Variants in RBFOX1 observed in about 807,000 individuals in gnomAD.
RBFOX1 encodes RNA binding fox-1 homolog 1.
A neutral mutation model predicts 57.7 loss-of-function variants in RBFOX1; 8 were observed. That is an observed-to-expected ratio of 0.14 (90% confidence interval 0.08 to 0.25). RBFOX1 has a LOEUF of 0.25. Among genes scored for constraint, RBFOX1 ranks in the 10% least tolerant of loss-of-function variants. RBFOX1 has a pLI of 1.00. For synonymous variants in RBFOX1, 326 were observed against 222.4 expected (o/e 1.47, Z -4.15); for missense variants, 611 against 548.5 (o/e 1.11, Z -1.14).
In RBFOX1 at chr16:7,066,375, G is replaced by C. The variant is rs1346870203; in HGVS notation, c.27+14277G>C. 2.6e-5 allele frequency among the ~76,000 whole-genome samples: 4 copies of C among 152,174 alleles called. No individual in the cohort carries two copies. In the East Asian group the frequency reaches 5.8e-4, roughly 22 times the overall value. ...GCTAAAATGATCAGTCCCATTGTGA[G>C]GCTAAGATACGAGAAGGGTATGGTT... On this transcript the variant is annotated intron_variant, in intron 4 of 15. Transcript: ENST00000550418.
chr16:5,471,113 C>T (rs1196385756), intron 2 of RBFOX1, among the ~76,000 whole-genome samples: 3 of 152,108 alleles, frequency 2.0e-5, no homozygotes, highest in African/African-American at 7.2e-5. Flanking sequence ...GGATTGCAGG[C>T]GTGAGCCACT....
At chr16:6,232,868 C>A (rs549007412) in intron 1 of RBFOX1, among the ~76,000 whole-genome samples, 133 of 152,270 alleles carry the variant, frequency 8.7e-4, no homozygotes, top group South Asian at 1.7e-3. Context: ...GACTCAACTT[C>A]TGCACATGTA....
intron 4 of RBFOX1, among the ~76,000 whole-genome samples, chr16:7,126,840 C>A (rs1180650880): frequency 1.3e-5 from 2 of 151,854 alleles, no homozygotes; most frequent in Non-Finnish European, 2.9e-5. Context: ...AACCTCATCT[C>A]TACTAAACAT....
chr16:7,687,384 C>G (rs1421010215), intron 14 of RBFOX1, among the ~76,000 whole-genome samples: 1 of 151,924 alleles, frequency 6.6e-6, no homozygotes, highest in East Asian at 1.9e-4. Context: ...CAGGCAAGTC[C>G]AAGATACTCC....
At position 5,640,928 on chromosome 16, in the gene RBFOX1, C is replaced by A. The variant is rs535531601; in HGVS notation, c.318+41967C>A. The stretch of plus-strand genomic sequence containing the variant: ...ACACACATGGACACACGTGCACATA[C>A]ACTCATGCACACCATGCATACACAC... On this transcript the variant is annotated intron_variant, in intron 3 of 19. Coordinates refer to the RBFOX1 transcript ENST00000641259. Among the ~76,000 whole-genome samples the A allele has an allele frequency of 2.0e-5, 3 of 151,374 alleles. No homozygotes were observed. The East Asian group carries it at 5.9e-4, about 30-fold the overall frequency.
intron 1 of RBFOX1, among the ~76,000 whole-genome samples, chr16:6,208,686 C>T (rs1408718927): frequency 6.6e-6 from 1 of 152,140 alleles, no homozygotes; most frequent in Non-Finnish European, 1.5e-5. Context: ...AAATGAATGG[C>T]CACTGCTTTA....
At chr16:6,647,547 C>T (rs2098543816) in intron 2 of RBFOX1, among the ~76,000 whole-genome samples, 1 of 152,126 alleles carries the variant, frequency 6.6e-6, no homozygotes, top group Non-Finnish European at 1.5e-5. Context: ...CACACCCAGC[C>T]AAGGGCAGTC....
chr16:5,522,927 A>G (rs901620645), intron 2 of RBFOX1, among the ~76,000 whole-genome samples: 2 of 152,082 alleles, frequency 1.3e-5, no homozygotes, highest in African/African-American at 4.8e-5. Context: ...CACATTTTCT[A>G]TATTCATCCA....
chr16:5,629,972 A>G (rs12447406), intron 3 of RBFOX1, among the ~76,000 whole-genome samples: 24,631 of 152,038 alleles, frequency 0.16, 2,189 homozygotes, highest in East Asian at 0.28. Flanking sequence ...GTGCCTGGTG[A>G]CTGCTGTTAT....
At chr16:5,696,285 G>T (rs2050840041) in intron 3 of RBFOX1, among the ~76,000 whole-genome samples, 2 of 152,080 alleles carry the variant, frequency 1.3e-5, no homozygotes. Context: ...AAATATTTAT[G>T]AATCCATAGG....
chr16:5,884,926 C>A (rs531829230), intron 4 of RBFOX1, among the ~76,000 whole-genome samples: 1 of 152,162 alleles, frequency 6.6e-6, no homozygotes, highest in Non-Finnish European at 1.5e-5. Flanking sequence ...TCTTTAGACT[C>A]TCCTGGAAAG....
intron 2 of RBFOX1, among the ~76,000 whole-genome samples, chr16:6,413,396 T>C (rs2093527706): frequency 6.6e-6 from 1 of 151,552 alleles, no homozygotes; most frequent in Admixed American, 6.6e-5. Context: ...ACCCCTGGGC[T>C]CAAGCAGTCC....
At chr16:5,707,323 T>A (rs2051288279) in intron 3 of RBFOX1, among the ~76,000 whole-genome samples, 1 of 152,220 alleles carries the variant, frequency 6.6e-6, no homozygotes, top group Non-Finnish European at 1.5e-5. Context: ...TTTCTGCTTC[T>A]GCTGTGTTTG....
At chr16:5,641,571 C>G (rs889841932) in intron 3 of RBFOX1, among the ~76,000 whole-genome samples, 5 of 152,166 alleles carry the variant, frequency 3.3e-5, no homozygotes, top group African/African-American at 1.2e-4. Context: ...GCAGGATATA[C>G]CATTTATTGC....
Position 6,290,907 on chromosome 16 carries a change from A to G in RBFOX1, c.-126-26088A>G, listed in dbSNP as rs151074785. On this transcript the variant is annotated intron_variant, in intron 1 of 15. Coordinates refer to ENST00000550418, the MANE Select transcript of RBFOX1 (RefSeq NM_018723.4). ...AAAGTGAAAGCAAGTTTATTAAGAGAGTAGAGGAATAAAAGAATGGCTACT... is the reference window on the plus strand; with the variant it reads ...AAAGTGAAAGCAAGTTTATTAAGAGGGTAGAGGAATAAAAGAATGGCTACT... 7.9e-3 allele frequency among the ~76,000 whole-genome samples: 1,201 copies of G among 152,252 alleles called. 9 individuals carry two copies. Among genetic ancestry groups the G allele is most frequent in the African/African-American group, 0.025 (1,031 of 41,534 alleles).
chr16:5,583,105 G>T (rs7205439), intron 2 of RBFOX1, among the ~76,000 whole-genome samples: 61 of 152,124 alleles, frequency 4.0e-4, no homozygotes, highest in African/African-American at 1.3e-3. Context: ...AACCCTGGCA[G>T]TTTGGCTTGC....
At chr16:5,464,890 G>A (rs955094845) in intron 1 of RBFOX1, among the ~76,000 whole-genome samples, 5 of 152,170 alleles carry the variant, frequency 3.3e-5, no homozygotes, top group African/African-American at 1.2e-4. Flanking sequence ...AGGAAGGTCT[G>A]TATCTGTTCA....
At chr16:6,870,929 C>T (rs189041962) in intron 3 of RBFOX1, among the ~76,000 whole-genome samples, 1 of 152,132 alleles carries the variant, frequency 6.6e-6, no homozygotes. Flanking sequence ...AGACTTTTTC[C>T]ATTTCTATCC....
At chr16:5,615,701 C>A (rs1379433143) in intron 3 of RBFOX1, among the ~76,000 whole-genome samples, 1 of 152,172 alleles carries the variant, frequency 6.6e-6, no homozygotes, top group Non-Finnish European at 1.5e-5. Flanking sequence ...AAGAAGGGGG[C>A]AGATCCACAT....
Sources: gnomAD v4.1 joint callset for allele counts (sites outside exome capture counted in the v4.1 genomes callset) on GRCh38, gnomAD v4.1.1 for gene constraint, MANE v1.5 for transcripts, NCBI Gene and HGNC (gene_info 2026-07-23, HGNC 2026-07-21) for gene names.